Variants in RINT1 observed in about 807,000 individuals in gnomAD.
RINT1 encodes RAD50 interactor 1, also known as RAD50-interacting protein 1.
A neutral mutation model predicts 97.7 loss-of-function variants in RINT1; 75 were observed. That is an observed-to-expected ratio of 0.77 (90% confidence interval 0.64 to 0.93). RINT1 has a LOEUF of 0.93. Ranked by LOEUF, RINT1 falls within the 40% of genes least tolerant of loss-of-function variation. The pLI is 0.00. For missense variants in RINT1, 892 were observed against 925.2 expected, an observed-to-expected ratio of 0.96 and a Z score of 0.47; for synonymous variants, 303 against 326.3, an observed-to-expected ratio of 0.93 and a Z score of 0.77.
rs756792338 is a variant in RINT1, at chr7:105,536,650, A to T, written c.174A>T (p.Ala58=). 1.2e-6 allele frequency: 2 copies of T among 1,612,918 alleles called. No individual in the cohort carries two copies. ...GTGATCTCCCTTCTTATGTGTCTGC[A>T]TTCATAGAAAAGGAAGTTGGAAATG... ...DNGDLPSYVS[A]FIEKEVGNDL... Residue 58 remains alanine (A), a synonymous_variant, in exon 3 of 15, where the codon GCA becomes GCT. Transcript: ENST00000257700.
At chr7:105,540,521 C>T (rs1205662079) in intron 3 of RINT1, among the ~76,000 whole-genome samples, 1 of 152,124 alleles carries the variant, frequency 6.6e-6, no homozygotes, top group Non-Finnish European at 1.5e-5. Flanking sequence ...TTCTGCCTCC[C>T]AAAGTGCTAG....
In RINT1 at chr7:105,551,557, G is replaced by A. The variant is rs572859596; in HGVS notation, c.1334-13G>A. On this transcript the variant is annotated splice_polypyrimidine_tract_variant and intron_variant, in intron 9 of 14. Transcript: ENST00000257700. The stretch of plus-strand genomic sequence containing the variant: ...ACTACTTAATTGACATAATTGTTTT[G>A]TCTGCTTATCAGTTGCTCTTCAAAA... The A allele has an allele frequency of 6.4e-7, 1 of 1,571,898 alleles. No homozygotes were observed. The highest frequency in any genetic ancestry group is 2.3e-5 in the East Asian group (1 of 43,922).
chr7:105,565,302 G>C lies in RINT1; in HGVS notation c.1912G>C (p.Glu638Gln), dbSNP rs2133475403. ...ATGGTTGTCCTTGCCATCTCAGTCA[G>C]AGCAGGCAGTGATGTCCCTGTCCAG... ...ERWLSLPSQS[E>Q]QAVMSLSSSA... Residue 638 changes from glutamate to glutamine, a missense_variant, in exon 13 of 15, where the codon GAG becomes CAG. Glu to Gln is a conservative substitution (Grantham distance 29, BLOSUM62 2). Transcript: ENST00000257700. The C allele has an allele frequency of 2.5e-6, 4 of 1,612,006 alleles. No homozygotes were observed. The highest frequency in any genetic ancestry group is 3.4e-6 in the Non-Finnish European group (4 of 1,178,276).
rs1301146115 is a variant in RINT1 at position 105,532,344 on chromosome 7, C to T, written c.29C>T (p.Ser10Phe). 42 of 1,600,294 alleles carry T rather than the reference C, an allele frequency of 2.6e-5. No individual in the cohort carries two copies. Among genetic ancestry groups the T allele is most frequent in the Non-Finnish European group, 3.5e-5 (41 of 1,175,234 alleles). ...CTACCAGCCGGCGAGATCGGCGCCT[C>T]TCCTGCAGCCCCGGTGAGACGGCCC... MLPAGEIGA[S>F]PAAPCCSESG... The change falls in exon 1 of 15, where the codon TCT becomes TTT. Residue 10 changes from serine (S) to phenylalanine (F), a missense_variant. Transcript: ENST00000257700.
At chr7:105,548,487 A>G in intron 6 of RINT1, 67 bp from the exon 7 acceptor site, 2 of 1,462,368 alleles carry the variant, frequency 1.4e-6, no homozygotes, top group Admixed American at 1.7e-5. Context: ...TTGTGTGTGT[A>G]TACATACATA....
chr7:105,537,119 A>G (rs1279089707), intron 3 of RINT1, among the ~76,000 whole-genome samples: 1 of 146,140 alleles, frequency 6.8e-6, no homozygotes, highest in Non-Finnish European at 1.5e-5. Flanking sequence ...AAACACCATC[A>G]TTTCAATTTT....
chr7:105,536,900 G>A, intron 3 of RINT1, 151 bp downstream of exon 3: 1 of 386,556 alleles, frequency 2.6e-6, no homozygotes, highest in Non-Finnish European at 4.2e-6. Context: ...AACGTACATT[G>A]TATTACCTAT....
chr7:105,550,563 C>T (rs1790885961), intron 9 of RINT1, 77 bp downstream of exon 9: 6 of 1,091,318 alleles, frequency 5.5e-6, no homozygotes, highest in Admixed American at 4.0e-5. Context: ...TTTTCTTCTC[C>T]AGTTCTAAAT....
At chr7:105,542,327 C>A (rs1400766620) in intron 3 of RINT1, 81 bp from the exon 4 acceptor site, 3 of 1,059,322 alleles carry the variant, frequency 2.8e-6, no homozygotes, top group South Asian at 1.6e-5. Context: ...AGCGTGAGAT[C>A]CCCTCTCAAA....
chr7:105,553,351 G>C (rs997028339), intron 10 of RINT1, among the ~76,000 whole-genome samples: 1 of 151,708 alleles, frequency 6.6e-6, no homozygotes, highest in African/African-American at 2.4e-5. Context: ...TCAGCCTCCT[G>C]AGTAGCTGGG....
chr7:105,533,962 A>G (rs935835699), intron 2 of RINT1, among the ~76,000 whole-genome samples: 1 of 152,226 alleles, frequency 6.6e-6, no homozygotes, highest in Non-Finnish European at 1.5e-5. Flanking sequence ...TACAAAAAAT[A>G]GAAAAGGAGA....
intron 3 of RINT1, among the ~76,000 whole-genome samples, chr7:105,537,167 G>A (rs926209624): frequency 1.0e-4 from 8 of 77,940 alleles, no homozygotes; most frequent in Non-Finnish European, 2.0e-4. Flanking sequence ...TTTTGCTCTT[G>A]TTGCCCAGGT....
intron 2 of RINT1, among the ~76,000 whole-genome samples, chr7:105,534,288 T>C (rs1325319184): frequency 1.3e-5 from 2 of 152,080 alleles, no homozygotes; most frequent in Non-Finnish European, 2.9e-5. Flanking sequence ...AGGCTGGTCT[T>C]GAACTCCTGA....
At chr7:105,549,467 G>C (rs753295640) in intron 7 of RINT1, among the ~76,000 whole-genome samples, 1 of 151,962 alleles carries the variant, frequency 6.6e-6, no homozygotes, top group Non-Finnish European at 1.5e-5. Flanking sequence ...TCCTGCCTCA[G>C]CCTCTTGAGT....
intron 11 of RINT1, among the ~76,000 whole-genome samples, chr7:105,556,523 T>C (rs1791187890): frequency 6.8e-6 from 1 of 146,514 alleles, no homozygotes; most frequent in African/African-American, 2.5e-5. Flanking sequence ...AAGAACTCTT[T>C]TAAAAAAAAA....
In RINT1 at chr7:105,546,998, C is replaced by G. The variant is rs1562847240; in HGVS notation, c.604C>G (p.Gln202Glu). ...TATGGCAGAACTTGACATTAAACTT[C>G]AGGAATCATCTTGTACTCATCTTCT... ...VSMAELDIKLQESSCTHLLGF... is the reference protein window; with the variant it reads ...VSMAELDIKLEESSCTHLLGF... Residue 202 changes from glutamine to glutamate, a missense_variant, in exon 5 of 15, where the codon CAG becomes GAG. By Grantham distance (29) the Gln-to-Glu change is conservative. Coordinates refer to ENST00000257700, the MANE Select transcript of RINT1 (RefSeq NM_021930.6). 1 of 1,613,898 alleles carries G rather than the reference C, an allele frequency of 6.2e-7. No homozygotes were observed.
At chr7:105,542,785 A>G in intron 4 of RINT1, 136 bp downstream of exon 4, 1 of 914,480 alleles carries the variant, frequency 1.1e-6, no homozygotes, top group Non-Finnish European at 1.5e-6. Flanking sequence ...TTGTGAAAAT[A>G]GCATTATGAT....
rs1160406011 is a variant in RINT1 at position 105,565,297 on chromosome 7, A to C, written c.1907A>C (p.Gln636Pro). 4.4e-6 allele frequency: 7 copies of C among 1,603,222 alleles called. No homozygotes were observed. Among genetic ancestry groups the C allele is most frequent in the Non-Finnish European group, 6.0e-6 (7 of 1,172,566 alleles). The change falls in exon 13 of 15, where the codon CAG becomes CCG. Residue 636 changes from glutamine (Q) to proline (P), a missense_variant. Gln to Pro is a moderately conservative substitution (Grantham distance 76, BLOSUM62 -1). Transcript: ENST00000257700. ...TCCAGATGGTTGTCCTTGCCATCTCAGTCAGAGCAGGCAGTGATGTCCCTG... is the reference window on the plus strand; with the variant it reads ...TCCAGATGGTTGTCCTTGCCATCTCCGTCAGAGCAGGCAGTGATGTCCCTG... ...KKERWLSLPS[Q>P]SEQAVMSLSS...
intron 3 of RINT1, 104 bp downstream of exon 3, chr7:105,536,853 CAA>C (rs2133358717): frequency 1.6e-6 from 1 of 618,338 alleles, no homozygotes; most frequent in East Asian, 3.4e-5. Flanking sequence ...TAGAACGTGA[CAA>C]ATAGTCTATT....
Sources: gnomAD v4.1 joint callset for allele counts (sites outside exome capture counted in the v4.1 genomes callset) on GRCh38, gnomAD v4.1.1 for gene constraint, MANE v1.5 for transcripts, NCBI Gene and HGNC (gene_info 2026-07-23, HGNC 2026-07-21) for gene names.